ULBP1: variants seen among roughly 807,000 people sequenced by gnomAD.
ULBP1 encodes UL16 binding protein 1.
Under a neutral mutation model 25.3 loss-of-function variants are expected in ULBP1, and 28 were observed. The ratio of observed to expected loss-of-function variants is 1.10; its 90% CI spans 0.82 to 1.51. The LOEUF is 1.51. Ranked by LOEUF, ULBP1 falls within the 40% of genes most tolerant of loss-of-function variation. The pLI, the probability that ULBP1 is intolerant of heterozygous loss-of-function variation, is 0.00. For missense variants in ULBP1, 348 were observed against 290.9 expected, an observed-to-expected ratio of 1.20 and a Z score of -1.43; for synonymous variants, 129 against 103.0, an observed-to-expected ratio of 1.25 and a Z score of -1.53.
Position 149,969,325 on chromosome 6 carries a change from T to G in ULBP1, c.590T>G (p.Phe197Cys), listed in dbSNP as rs746414204. ...GATTGTAAGATGTGGCTTGAAGAATTTTTGATGTACTGGGAACAAATGCTG... is the reference window on the plus strand; with the variant it reads ...GATTGTAAGATGTGGCTTGAAGAATGTTTGATGTACTGGGAACAAATGCTG... ...LGDCKMWLEE[F>C]LMYWEQMLDP... Residue 197 changes from phenylalanine to cysteine, a missense_variant, in exon 3 of 5, where the codon TTT becomes TGT. Transcript: ENST00000229708. 3 of 1,613,950 alleles carry G rather than the reference T, an allele frequency of 1.9e-6. No homozygotes were observed. In the Admixed American group the frequency reaches 5.0e-5, roughly 27 times the overall value.
chr6:149,964,076 C>T lies in ULBP1; in HGVS notation c.27C>T (p.Phe9=). 6.2e-7 allele frequency: 1 copy of T among 1,614,234 alleles called. No individual in the cohort carries two copies. Among genetic ancestry groups the T allele is most frequent in the Middle Eastern group, 1.6e-4 (1 of 6,062 alleles). The change falls in exon 1 of 5, where the codon TTC becomes TTT. Residue 9 remains phenylalanine, a synonymous_variant. Transcript: ENST00000229708. ...TGGCAGCGGCCGCCAGCCCCGCGTTCCTTCTGTGCCTCCCGCTTCTGCACC... is the reference window on the plus strand; with the variant it reads ...TGGCAGCGGCCGCCAGCCCCGCGTTTCTTCTGTGCCTCCCGCTTCTGCACC... MAAAASPA[F]LLCLPLLHLL...
Position 149,972,007 on chromosome 6 carries a change from G to A in ULBP1, c.*661G>A, listed in dbSNP as rs1779326766. 1 of 152,168 alleles carries A rather than the reference G, an allele frequency of 6.6e-6. No individual in the cohort carries two copies. The highest frequency in any genetic ancestry group is 1.5e-5 in the Non-Finnish European group (1 of 68,034). 9.4% of individuals were successfully genotyped at this position (152,168 alleles called of 1,614,324 possible). On this transcript the variant is annotated 3_prime_UTR_variant, in exon 5 of 5. Transcript: ENST00000229708. ...GCAAACTGTTTTATTTTTAGGTAGA[G>A]GTAGGGTCTTCCTATGTTGCCCAGG...
rs762841461 is a variant in ULBP1 at position 149,971,927 on chromosome 6, C to A, written c.*581C>A. 18 of 152,132 alleles carry A rather than the reference C, an allele frequency of 1.2e-4. No individual in the cohort carries two copies. Among genetic ancestry groups the A allele is most frequent in the Non-Finnish European group, 2.4e-4 (16 of 68,026 alleles). The allele number at this position is 152,132 out of a possible 1,614,324, so 9.4% of individuals were successfully genotyped here. A position where few individuals can be genotyped will look rare whatever the true frequency, so the allele number is the denominator to read the frequency against. ...CTCCAGCTCCTGGGCTCAAGTGATC[C>A]TCTAGACTCAGCCTCTAGAATAGCT... On this transcript the variant is annotated 3_prime_UTR_variant, in exon 5 of 5. Transcript: ENST00000229708.
Position 149,968,729 on chromosome 6 carries a change from A to G in ULBP1, c.208A>G (p.Lys70Glu). 1 of 1,614,274 alleles carries G rather than the reference A, an allele frequency of 6.2e-7. No homozygotes were observed. Among genetic ancestry groups the G allele is most frequent in the Non-Finnish European group, 8.5e-7 (1 of 1,180,046 alleles). The change falls in exon 2 of 5, where the codon AAG (lysine) becomes GAG (glutamate). Residue 70 changes from lysine (K) to glutamate (E), a missense_variant. Physicochemically the swap from Lys to Glu is moderately conservative, Grantham distance 56. Transcript: ENST00000229708. ...TCTTCACTATGACTGTGTTAACCACAAGGCCAAAGCCTTTGCTTCTCTGGG... is the reference window on the plus strand; with the variant it reads ...TCTTCACTATGACTGTGTTAACCACGAGGCCAAAGCCTTTGCTTCTCTGGG... ...PFLHYDCVNH[K>E]AKAFASLGKK... is the part of the protein sequence containing the mutation.
chr6:149,967,291 A>G (rs568764748), intron 1 of ULBP1, among the ~76,000 whole-genome samples: 7 of 152,340 alleles, frequency 4.6e-5, no homozygotes, highest in African/African-American at 1.7e-4. Context: ...CACTGTGTCT[A>G]CTAGGAGTGT....
chr6:149,970,755 C>T (rs569513730), intron 4 of ULBP1, among the ~76,000 whole-genome samples: 67 of 152,356 alleles, frequency 4.4e-4, no homozygotes, highest in Non-Finnish European at 7.5e-4. Flanking sequence ...GAGTCCTTGC[C>T]AGGCCCTGGG....
intron 1 of ULBP1, among the ~76,000 whole-genome samples, chr6:149,965,267 C>G (rs1446761912): frequency 8.7e-6 from 1 of 114,472 alleles, no homozygotes; most frequent in Non-Finnish European, 1.7e-5. Context: ...GCGGTCTCCC[C>G]GAACATCGCG....
intron 3 of ULBP1, among the ~76,000 whole-genome samples, chr6:149,969,615 C>T (rs1779275869): frequency 6.6e-6 from 1 of 152,176 alleles, no homozygotes; most frequent in African/African-American, 2.4e-5. Flanking sequence ...CTGTGGGTGT[C>T]ATAGTGTTTC....
chr6:149,970,098 C>T lies in ULBP1; in HGVS notation c.708C>T (p.Phe236=), dbSNP rs761051952. Residue 236 remains phenylalanine, a synonymous_variant, in exon 4 of 5, where the codon TTC becomes TTT. Transcript: ENST00000229708. Reference sequence around the variant, plus strand: ...GTCCCTGGAGCCTTCTCATCATCTTCCTCTGCTTCATTCTAGCTGGCAGAT... The same window carrying T: ...GTCCCTGGAGCCTTCTCATCATCTTTCTCTGCTTCATTCTAGCTGGCAGAT... ...TLSPWSLLII[F]LCFILAGR 1.9e-6 allele frequency: 3 copies of T among 1,612,314 alleles called. No homozygotes were observed. The highest frequency in any genetic ancestry group is 2.5e-6 in the Non-Finnish European group (3 of 1,179,238).
Position 149,968,780 on chromosome 6 carries a change from T to G in ULBP1, c.259T>G (p.Trp87Gly). The G allele has an allele frequency of 1.9e-6, 3 of 1,614,146 alleles. No individual in the cohort carries two copies. Among genetic ancestry groups the G allele is most frequent in the African/African-American group, 1.3e-5 (1 of 75,054 alleles). ...GAAGAAAGTCAATGTCACAAAAACC[T>G]GGGAAGAACAAACTGAAACACTAAG... Reference protein sequence around the residue: ...LGKKVNVTKTWEEQTETLRDV... With the variant: ...LGKKVNVTKTGEEQTETLRDV... Residue 87 changes from tryptophan (W) to glycine (G), a missense_variant, in exon 2 of 5, where the codon TGG becomes GGG. Trp to Gly is a radical substitution (Grantham distance 184). Coordinates refer to ENST00000229708, the MANE Select transcript of ULBP1 (RefSeq NM_025218.4).
chr6:149,968,793 C>G lies in ULBP1; in HGVS notation c.272C>G (p.Thr91Ser). ...GTCACAAAAACCTGGGAAGAACAAA[C>G]TGAAACACTAAGAGACGTGGTGGAT... ...VNVTKTWEEQ[T>S]ETLRDVVDFL... The change falls in exon 2 of 5, where the codon ACT becomes AGT. Residue 91 changes from threonine (T) to serine (S), a missense_variant. Physicochemically the swap from Thr to Ser is moderately conservative, Grantham distance 58 (BLOSUM62 1). Coordinates refer to ENST00000229708, the MANE Select transcript of ULBP1 (RefSeq NM_025218.4). The G allele has an allele frequency of 5.6e-6, 9 of 1,614,224 alleles. No individual in the cohort carries two copies. Among genetic ancestry groups the G allele is most frequent in the Non-Finnish European group, 6.8e-6 (8 of 1,180,054 alleles).
chr6:149,969,538 C>G (rs140226295), intron 3 of ULBP1, among the ~76,000 whole-genome samples, 178 bp downstream of exon 3: 4 of 152,136 alleles, frequency 2.6e-5, no homozygotes, highest in Non-Finnish European at 5.9e-5. Flanking sequence ...CCCTTCTTCC[C>G]CCTGACTCCT....
chr6:149,968,757 A>G lies in ULBP1; in HGVS notation c.236A>G (p.Lys79Arg). 1.2e-6 allele frequency: 2 copies of G among 1,614,274 alleles called. No individual in the cohort carries two copies. The highest frequency in any genetic ancestry group is 2.2e-5 in the South Asian group (2 of 91,090). ...GCCAAAGCCTTTGCTTCTCTGGGGA[A>G]GAAAGTCAATGTCACAAAAACCTGG... is the stretch of plus-strand genomic sequence containing the variant. The part of the protein sequence containing the change: ...HKAKAFASLG[K>R]KVNVTKTWEE... The change falls in exon 2 of 5, where the codon AAG becomes AGG. Residue 79 changes from lysine (K) to arginine (R), a missense_variant. By Grantham distance (26) the Lys-to-Arg change is conservative (BLOSUM62 2). Coordinates refer to ENST00000229708, the MANE Select transcript of ULBP1 (RefSeq NM_025218.4).
intron 1 of ULBP1, among the ~76,000 whole-genome samples, chr6:149,966,899 T>C (rs917273383): frequency 1.3e-5 from 2 of 152,216 alleles, no homozygotes; most frequent in Admixed American, 1.3e-4. Flanking sequence ...GAAATCCACA[T>C]AGCACCTTTT....
Position 149,973,643 on chromosome 6 carries a change from G to A in ULBP1, c.*2297G>A, listed in dbSNP as rs1278307977. 1 of 152,136 alleles carries A rather than the reference G, an allele frequency of 6.6e-6. No homozygotes were observed. Among genetic ancestry groups the A allele is most frequent in the Non-Finnish European group, 1.5e-5 (1 of 68,028 alleles). 9.4% of individuals were successfully genotyped at this position (152,136 alleles called of 1,614,324 possible). ...ATGATAATTGTATAAAAATTTGTAT[G>A]ATGATAATTGTATAATAATTATACA... On this transcript the variant is annotated 3_prime_UTR_variant, in exon 5 of 5. Transcript: ENST00000229708.
chr6:149,964,739 T>G (rs1779167622), intron 1 of ULBP1, among the ~76,000 whole-genome samples: 1 of 144,398 alleles, frequency 6.9e-6, no homozygotes, highest in Non-Finnish European at 1.5e-5. Flanking sequence ...GCCAGGAGGC[T>G]TCTGGTAGCA....
chr6:149,972,121 T>C lies in ULBP1; in HGVS notation c.*775T>C, dbSNP rs1377555064. 1 of 152,184 alleles carries C rather than the reference T, an allele frequency of 6.6e-6. No individual in the cohort carries two copies. The highest frequency in any genetic ancestry group is 1.5e-5 in the Non-Finnish European group (1 of 68,038). The allele number at this position is 152,184 out of a possible 1,614,324, so 9.4% of individuals were successfully genotyped here. A position where few individuals can be genotyped will look rare whatever the true frequency, so the allele number is the denominator to read the frequency against. On this transcript the variant is annotated 3_prime_UTR_variant, in exon 5 of 5. Transcript: ENST00000229708. ...CAGACATGAACCACAGTGCCTGTTG[T>C]AGAAATTTTTAATTATTTAATATGA...
chr6:149,970,940 C>A (rs1381728719), intron 4 of ULBP1, among the ~76,000 whole-genome samples: 3 of 152,204 alleles, frequency 2.0e-5, no homozygotes, highest in Admixed American at 6.5e-5. Flanking sequence ...CCATTCAGAG[C>A]TATGGGTGCA....
Position 149,973,440 on chromosome 6 carries a change from C to G in ULBP1, c.*2094C>G, listed in dbSNP as rs1326500221. 6.6e-6 allele frequency: 1 copy of G among 152,234 alleles called. No homozygotes were observed. The highest frequency in any genetic ancestry group is 1.9e-4 in the East Asian group (1 of 5,178). 9.4% of individuals were successfully genotyped at this position (152,234 alleles called of 1,614,324 possible). A position where few individuals can be genotyped will look rare whatever the true frequency, so the allele number is the denominator to read the frequency against. ...CTCAAATTCTACCCATGTAACAAAC[C>G]TGTATATGTACCTTGTATTATATAG... On this transcript the variant is annotated 3_prime_UTR_variant, in exon 5 of 5. Coordinates refer to ENST00000229708, the MANE Select transcript of ULBP1 (RefSeq NM_025218.4).
Sources: allele counts gnomAD v4.1 joint callset (sites outside exome capture counted in the v4.1 genomes callset), GRCh38; gene constraint gnomAD v4.1.1; transcripts MANE v1.5; gene names NCBI Gene and HGNC (gene_info 2026-07-23, HGNC 2026-07-21).